The following FOCAD variants were observed in gnomAD, a reference collection of about 807,000 sequenced individuals.
The protein encoded by FOCAD is focadhesin.
FOCAD carries 198 observed loss-of-function variants against 225.6 expected under a neutral mutation model. The observed-to-expected ratio is 0.88, with a 90% CI of 0.78 to 0.99. The LOEUF is 0.99. Among genes scored for constraint, FOCAD ranks in the 50% least tolerant of loss-of-function variants. The probability of loss-of-function intolerance (pLI) is 0.00; values close to 1 mark genes in which losing one functional copy is unlikely to be tolerated. For missense variants in FOCAD, 2,713 were observed against 2,123.6 expected, an observed-to-expected ratio of 1.28 and a Z score of -5.46; for synonymous variants, 897 against 755.0, an observed-to-expected ratio of 1.19 and a Z score of -3.08.
At chr9:20,791,770 A>G (rs980351173) in intron 11 of FOCAD, among the ~76,000 whole-genome samples, 13 of 152,190 alleles carry the variant, frequency 8.5e-5, no homozygotes, top group African/African-American at 3.1e-4. Context: ...TAGGTGAAGT[A>G]TCAGGTCTAA....
At chr9:20,667,380 A>G (rs1821926955) in intron 2 of FOCAD, among the ~76,000 whole-genome samples, 1 of 152,252 alleles carries the variant, frequency 6.6e-6, no homozygotes, top group Non-Finnish European at 1.5e-5. Context: ...GCTAAAGCAA[A>G]GTCTACAAAT....
intron 24 of FOCAD, among the ~76,000 whole-genome samples, chr9:20,918,703 G>A (rs1347882643): frequency 2.0e-5 from 3 of 148,190 alleles, no homozygotes; most frequent in South Asian, 4.3e-4. Flanking sequence ...CAGCCTGGGT[G>A]ACAGAGCGAG....
intron 27 of FOCAD, 54 bp downstream of exon 27, chr9:20,929,650 A>AT: frequency 6.6e-7 from 1 of 1,506,320 alleles, no homozygotes; most frequent in Non-Finnish European, 9.2e-7. Context: ...TTTGCAAAGG[A>AT]TTTTGCACCC....
intron 6 of FOCAD, among the ~76,000 whole-genome samples, chr9:20,760,708 T>C (rs998350108): frequency 6.6e-6 from 1 of 152,234 alleles, no homozygotes; most frequent in African/African-American, 2.4e-5. Context: ...TGCGACATTA[T>C]CATAATTACT....
chr9:20,930,355 AG>A (rs1184234630), intron 27 of FOCAD, among the ~76,000 whole-genome samples: 2 of 152,218 alleles, frequency 1.3e-5, no homozygotes, highest in Admixed American at 1.3e-4. Flanking sequence ...CATTGATTGT[AG>A]TGGGCTACAA....
At chr9:20,794,224 T>C (rs1272916016) in intron 11 of FOCAD, among the ~76,000 whole-genome samples, 1 of 152,116 alleles carries the variant, frequency 6.6e-6, no homozygotes, top group South Asian at 2.1e-4. Flanking sequence ...GAGCAGGAGG[T>C]AATGTCCTAA....
chr9:20,659,064 CA>C (rs1376243642), intron 2 of FOCAD, among the ~76,000 whole-genome samples: 1 of 151,994 alleles, frequency 6.6e-6, no homozygotes, highest in Non-Finnish European at 1.5e-5. Flanking sequence ...ACTAAAAATT[CA>C]AAAAATTAGC....
intron 6 of FOCAD, among the ~76,000 whole-genome samples, chr9:20,763,392 G>A (rs1829783476): frequency 6.6e-6 from 1 of 152,118 alleles, no homozygotes; most frequent in African/African-American, 2.4e-5. Flanking sequence ...GAAATTCAAG[G>A]CTGAAGTGCA....
chr9:20,988,510 G>C, intron 41 of FOCAD, 81 bp downstream of exon 41: 1 of 351,064 alleles, frequency 2.8e-6, no homozygotes, highest in Non-Finnish European at 4.9e-6. Context: ...TTGCGGTTTT[G>C]CCATTAATTG....
rs369187873 is a variant in FOCAD at position 20,855,794 on chromosome 9, C to CTTT, written c.1921-6768_1921-6766dup. On this transcript the variant is annotated intron_variant, in intron 15 of 43. Coordinates refer to ENST00000338382, the MANE Select transcript of FOCAD (RefSeq NM_001375567.1). ...TTAACCATCATTTTACCCCTATATTCTTTTTTTTTTTTTTTTTTAACACTT... is the reference window on the plus strand; with the variant it reads ...TTAACCATCATTTTACCCCTATATTCTTTTTTTTTTTTTTTTTTTTTAACACTT... Among the ~76,000 whole-genome samples the CTTT allele has an allele frequency of 4.9e-3, 652 of 131,816 alleles. 6 individuals carry two copies. The highest frequency in any genetic ancestry group is 7.3e-3 in the South Asian group (30 of 4,130). The allele number at this position is 131,816 out of a possible 152,430, so 86.5% of individuals were successfully genotyped here.
At chr9:20,923,470 A>G (rs58672469) in intron 24 of FOCAD, among the ~76,000 whole-genome samples, 190 bp from the exon 25 acceptor site, 1,706 of 152,342 alleles carry the variant, frequency 0.011, 31 homozygotes, top group African/African-American at 0.038. Flanking sequence ...AGAAGAATTC[A>G]GAAACAGCTC....
chr9:20,930,576 G>T (rs1021132422), intron 27 of FOCAD, among the ~76,000 whole-genome samples: 8 of 152,192 alleles, frequency 5.3e-5, no homozygotes, highest in Non-Finnish European at 1.0e-4. Context: ...ATTTATTTCA[G>T]TTTGAGACCA....
At chr9:20,887,220 C>T (rs1831170748) in intron 21 of FOCAD, among the ~76,000 whole-genome samples, 1 of 151,644 alleles carries the variant, frequency 6.6e-6, no homozygotes, top group Non-Finnish European at 1.5e-5. Context: ...AGTATTTCTT[C>T]TTTCTTTCCT....
At chr9:20,674,329 C>G (rs1347095342) in intron 2 of FOCAD, among the ~76,000 whole-genome samples, 1 of 152,178 alleles carries the variant, frequency 6.6e-6, no homozygotes, top group Non-Finnish European at 1.5e-5. Context: ...GTGTACACCT[C>G]TTCCCAACTC....
intron 10 of FOCAD, chr9:20,786,894 A>G: frequency 3.5e-6 from 1 of 282,932 alleles, no homozygotes; most frequent in Non-Finnish European, 7.1e-6. Flanking sequence ...TTTATTTTTA[A>G]ACACCTACTT....
At chr9:20,670,534 C>G (rs1425378380) in intron 2 of FOCAD, among the ~76,000 whole-genome samples, 1 of 152,122 alleles carries the variant, frequency 6.6e-6, no homozygotes, top group African/African-American at 2.4e-5. Context: ...GAGTGTCACA[C>G]TTTTAAATCA....
chr9:20,974,134 T>G (rs367603115), intron 35 of FOCAD, among the ~76,000 whole-genome samples: 108 of 143,156 alleles, frequency 7.5e-4, no homozygotes, highest in African/African-American at 2.1e-3. Flanking sequence ...CTTCTCCTTT[T>G]TCCTATGTTT....
intron 42 of FOCAD, among the ~76,000 whole-genome samples, chr9:20,992,437 A>G (rs941711942): frequency 6.6e-6 from 1 of 152,216 alleles, no homozygotes; most frequent in Non-Finnish European, 1.5e-5. Flanking sequence ...TGCCCAGCCT[A>G]GGAGCCTAGA....
At chr9:20,916,071 G>C (rs1363512960) in intron 23 of FOCAD, among the ~76,000 whole-genome samples, 2 of 152,012 alleles carry the variant, frequency 1.3e-5, no homozygotes, top group Non-Finnish European at 2.9e-5. Flanking sequence ...GTGCTGAATA[G>C]CTAAGATTTT....
Sources: allele counts gnomAD v4.1 joint callset (sites outside exome capture counted in the v4.1 genomes callset), GRCh38; gene constraint gnomAD v4.1.1; transcripts MANE v1.5; gene names NCBI Gene and HGNC (gene_info 2026-07-23, HGNC 2026-07-21).